Variants in RRM2 observed in about 807,000 individuals in gnomAD.
The protein encoded by RRM2 is ribonucleoside-diphosphate reductase subunit M2.
A neutral mutation model predicts 45.9 loss-of-function variants in RRM2; 6 were observed. The observed-to-expected ratio is 0.13, with a 90% CI of 0.07 to 0.26. RRM2 has a LOEUF of 0.26. Among genes scored for constraint, RRM2 ranks in the 10% least tolerant of loss-of-function variants. RRM2 has a pLI of 1.00. For missense variants in RRM2, 343 were observed against 489.5 expected (o/e 0.70, Z 2.82); for synonymous variants, 177 against 173.0 (o/e 1.02, Z -0.18).
chr2:10,210,585 CA>C, exon 4 of RRM2: 1 of 1,365,884 alleles, frequency 7.3e-7, no homozygotes, highest in South Asian at 1.1e-5. Flanking sequence ...TCAGACCCCC[CA>C]GGGCCCCATA....
exon 4 of RRM2, chr2:10,210,649 G>C: frequency 1.5e-6 from 2 of 1,338,568 alleles, no homozygotes; most frequent in Non-Finnish European, 2.0e-6. Context: ...TGCCGGAGTG[G>C]GGGAAATGGA....
intron 3 of RRM2, among the ~76,000 whole-genome samples, chr2:10,184,395 G>C (rs1258280236): frequency 1.3e-5 from 2 of 152,240 alleles, no homozygotes; most frequent in South Asian, 2.1e-4. Context: ...TCCTGGGAGT[G>C]GGGGGACCAA....
chr2:10,140,331 A>C (rs1029895743), upstream of RRM2, among the ~76,000 whole-genome samples: 17 of 152,198 alleles, frequency 1.1e-4, no homozygotes, highest in African/African-American at 3.9e-4. Context: ...GCCCATAAAT[A>C]GCTTCGTTGG....
chr2:10,144,809 C>T (rs750184891), intron 3 of RRM2, among the ~76,000 whole-genome samples: 7 of 152,084 alleles, frequency 4.6e-5, no homozygotes, highest in Non-Finnish European at 7.4e-5. Context: ...GTAAATGGTA[C>T]GACATTGAGC....
downstream of RRM2, among the ~76,000 whole-genome samples, chr2:10,132,498 TTCCC>T (rs2125309337): frequency 1.3e-5 from 2 of 152,312 alleles, no homozygotes; most frequent in South Asian, 4.1e-4. Context: ...TGAAGATTTC[TTCCC>T]GTGCTGCTCT....
chr2:10,205,030 C>T lies in RRM2; in HGVS notation n.483-5281C>T, dbSNP rs546659426. Among the ~76,000 whole-genome samples, 2 of 152,362 alleles carry T rather than the reference C, an allele frequency of 1.3e-5. No individual in the cohort carries two copies. The highest frequency in any genetic ancestry group is 2.4e-5 in the African/African-American group (1 of 41,584). ...GACGCAGTGGTTACAAGCAACCCCA[C>T]GTGGTCTGCTTCGAATCCAGCAAAC... On this transcript the variant is annotated intron_variant and non_coding_transcript_variant, in intron 3 of 3. Transcript: ENST00000381786. The surrounding 1 kb of genome is among the most constrained non-coding windows in gnomAD (Gnocchi z 4.8).
intron 3 of RRM2, among the ~76,000 whole-genome samples, chr2:10,153,181 A>T (rs1663351429): frequency 6.6e-6 from 1 of 151,856 alleles, no homozygotes; most frequent in Non-Finnish European, 1.5e-5. Context: ...AAAATACAAA[A>T]ATCAGCTGAG....
intron 3 of RRM2, among the ~76,000 whole-genome samples, chr2:10,167,406 CCT>C (rs1436712120): frequency 6.6e-6 from 1 of 152,178 alleles, no homozygotes; most frequent in Non-Finnish European, 1.5e-5. Context: ...CTTGGACTCG[CCT>C]CTCGCCCTGC....
chr2:10,131,788 G>A (rs965208755), downstream of RRM2, among the ~76,000 whole-genome samples: 3 of 152,196 alleles, frequency 2.0e-5, no homozygotes, highest in Admixed American at 1.3e-4. Flanking sequence ...GCTTTCCACT[G>A]GTTCTGGGCA....
At chr2:10,123,146 C>T in intron 2 of RRM2, 89 bp downstream of exon 2, 11 of 1,408,204 alleles carry the variant, frequency 7.8e-6, no homozygotes, top group Non-Finnish European at 1.0e-5. Flanking sequence ...TGTTCACACT[C>T]CCGCCCCGGC....
At chr2:10,208,765 C>T (rs925255953) in intron 3 of RRM2, among the ~76,000 whole-genome samples, 2 of 152,188 alleles carry the variant, frequency 1.3e-5, no homozygotes, top group African/African-American at 4.8e-5. Context: ...TCATCTCCAG[C>T]CATGGCCCCT....
chr2:10,133,702 G>T (rs1662941835), downstream of RRM2, among the ~76,000 whole-genome samples: 2 of 110,256 alleles, frequency 1.8e-5, no homozygotes, highest in African/African-American at 8.6e-5. Flanking sequence ...ATGACATCAG[G>T]ATTTTTTTTT....
chr2:10,137,616 CAA>C (rs1663012695), upstream of RRM2, among the ~76,000 whole-genome samples: 5 of 152,206 alleles, frequency 3.3e-5, no homozygotes, highest in Non-Finnish European at 7.3e-5. Flanking sequence ...CTTATGGCCA[CAA>C]AGTCTAGGGA....
intron 3 of RRM2, among the ~76,000 whole-genome samples, chr2:10,174,989 A>C (rs758632575): frequency 2.0e-5 from 3 of 152,216 alleles, no homozygotes; most frequent in Non-Finnish European, 2.9e-5. Flanking sequence ...AAGATGCCCA[A>C]ATATACCCAG....
chr2:10,187,152 C>G lies in RRM2; in HGVS notation n.483-23159C>G, dbSNP rs543779686. ...TGAGGGCTCTCAGACAAGGAATGACCCAGGGGCTGGGCCCAGCCTCTCCCT... is the reference window on the plus strand; with the variant it reads ...TGAGGGCTCTCAGACAAGGAATGACGCAGGGGCTGGGCCCAGCCTCTCCCT... On this transcript the variant is annotated intron_variant and non_coding_transcript_variant, in intron 3 of 3. Transcript: ENST00000381786. Among the ~76,000 whole-genome samples, 666 of 152,262 alleles carry G rather than the reference C, an allele frequency of 4.4e-3. 4 individuals are homozygous for G. The highest frequency in any genetic ancestry group is 8.0e-3 in the Admixed American group (122 of 15,284).
chr2:10,124,086 G>T, intron 4 of RRM2: 1 of 489,340 alleles, frequency 2.0e-6, no homozygotes, highest in Non-Finnish European at 3.6e-6. Flanking sequence ...ATGACTCTTT[G>T]TGGCCACCAC....
chr2:10,208,451 T>C (rs1664700657), intron 3 of RRM2, among the ~76,000 whole-genome samples: 1 of 152,170 alleles, frequency 6.6e-6, no homozygotes, highest in South Asian at 2.1e-4. Flanking sequence ...AACATTTGGA[T>C]CGATGAGCAG....
chr2:10,198,355 C>T (rs1022535887), intron 3 of RRM2, among the ~76,000 whole-genome samples: 5 of 151,836 alleles, frequency 3.3e-5, no homozygotes, highest in African/African-American at 7.3e-5. Context: ...GCTGAGCTCA[C>T]GGGAGCTGGG....
chr2:10,123,645 G>A (rs2125305762), intron 3 of RRM2, 91 bp from the exon 4 acceptor site: 5 of 1,429,346 alleles, frequency 3.5e-6, no homozygotes, highest in Non-Finnish European at 4.9e-6. Flanking sequence ...AGTAAGTGGT[G>A]CCAGCATACT....
Sources: allele counts gnomAD v4.1 joint callset (sites outside exome capture counted in the v4.1 genomes callset), GRCh38; gene constraint gnomAD v4.1.1; non-coding constraint Gnocchi (gnomAD v3.1); transcripts MANE v1.5; gene names NCBI Gene and HGNC (gene_info 2026-07-23, HGNC 2026-07-21).